The following JMJD1C variants were observed in gnomAD, a reference collection of about 807,000 sequenced individuals.
The protein encoded by JMJD1C is jumonji domain containing 1C, also known as jumonji domain-containing protein 1C.
In JMJD1C, 31 loss-of-function variants were observed where a neutral mutation model predicts 245.3. The ratio of observed to expected loss-of-function variants is 0.13; its 90% CI spans 0.09 to 0.17. The LOEUF (loss-of-function observed/expected upper bound fraction) is 0.17, where lower values mean the gene tolerates loss of function less well. Ranked by LOEUF, JMJD1C falls within the 10% of genes least tolerant of loss-of-function variation. The pLI is 1.00. For synonymous variants in JMJD1C, 1,057 were observed against 1,017.4 expected (o/e 1.04, Z -0.74); for missense variants, 2,691 against 3,000.2 (o/e 0.90, Z 2.41).
chr10:63,521,706 C>G, intron 1 of JMJD1C: 3 of 560,196 alleles, frequency 5.4e-6, no homozygotes, highest in Non-Finnish European at 8.1e-6. Flanking sequence ...TCGGGCCTGC[C>G]GAGGGTCTGG....
At chr10:63,370,898 A>T (rs1366972512) in intron 2 of JMJD1C, among the ~76,000 whole-genome samples, 1 of 152,206 alleles carries the variant, frequency 6.6e-6, no homozygotes, top group Non-Finnish European at 1.5e-5. Flanking sequence ...AGGAAATAAT[A>T]GTTGTTTTTT....
intron 2 of JMJD1C, among the ~76,000 whole-genome samples, chr10:63,351,680 A>G (rs1180406579): frequency 4.6e-5 from 7 of 152,186 alleles, no homozygotes; most frequent in Non-Finnish European, 7.3e-5. Flanking sequence ...GACTAACAAG[A>G]GACCTACAAA....
chr10:63,424,420 T>C (rs1355168568), intron 1 of JMJD1C, among the ~76,000 whole-genome samples: 1 of 151,910 alleles, frequency 6.6e-6, no homozygotes, highest in Non-Finnish European at 1.5e-5. Flanking sequence ...AACTATTGTT[T>C]ATATGGAAAA....
intron 2 of JMJD1C, among the ~76,000 whole-genome samples, chr10:63,337,056 G>A (rs192430948): frequency 3.0e-4 from 46 of 151,950 alleles, no homozygotes; most frequent in African/African-American, 9.2e-4. Flanking sequence ...GGCCAGGCTC[G>A]TCTCAAGCTC....
upstream of JMJD1C, among the ~76,000 whole-genome samples, chr10:63,469,512 T>C (rs1953422330): frequency 6.6e-6 from 1 of 152,210 alleles, no homozygotes; most frequent in African/African-American, 2.4e-5. Context: ...TTACTCATAA[T>C]TGCTGTGTTC....
intron 2 of JMJD1C, among the ~76,000 whole-genome samples, chr10:63,324,220 T>C (rs1169671380): frequency 6.6e-6 from 1 of 151,806 alleles, no homozygotes; most frequent in Non-Finnish European, 1.5e-5. Context: ...GGCCCAGTCA[T>C]GCTTACAACA....
chr10:63,256,150 C>G (rs1853889678), intron 3 of JMJD1C, among the ~76,000 whole-genome samples: 1 of 152,116 alleles, frequency 6.6e-6, no homozygotes, highest in African/African-American at 2.4e-5. Flanking sequence ...ACTGCAGTGA[C>G]TTATAAATGT....
At chr10:63,268,228 C>G (rs1011876324) in intron 2 of JMJD1C, among the ~76,000 whole-genome samples, 2 of 51,322 alleles carry the variant, frequency 3.9e-5, no homozygotes, top group Non-Finnish European at 7.3e-5. Context: ...AAGATTTAGT[C>G]TACCAAAAAA....
intron 2 of JMJD1C, among the ~76,000 whole-genome samples, chr10:63,300,785 G>C (rs1460549373): frequency 6.6e-6 from 1 of 152,016 alleles, no homozygotes; most frequent in East Asian, 1.9e-4. Flanking sequence ...CCAGCTACTT[G>C]GGAGGCTGAG....
chr10:63,186,143 T>C, intron 19 of JMJD1C, 72 bp downstream of exon 19: 2 of 1,194,574 alleles, frequency 1.7e-6, no homozygotes, highest in Non-Finnish European at 2.4e-6. Context: ...TAAAAATCTG[T>C]TAAGTTACAT....
intron 2 of JMJD1C, among the ~76,000 whole-genome samples, chr10:63,375,747 G>A (rs1946691268): frequency 1.3e-5 from 2 of 151,718 alleles, no homozygotes; most frequent in South Asian, 4.2e-4. Flanking sequence ...CAGAGAAGGG[G>A]GCTCGCTGCA....
intron 1 of JMJD1C, among the ~76,000 whole-genome samples, chr10:63,471,933 G>T (rs1478779206): frequency 6.6e-6 from 1 of 152,164 alleles, no homozygotes; most frequent in Non-Finnish European, 1.5e-5. Flanking sequence ...AACTACTCGG[G>T]AGGCTAAGGG....
rs1845586240 is a variant in JMJD1C, at chr10:63,197,513, C to T, written c.5542G>A (p.Ala1848Thr). Residue 1848 changes from alanine to threonine, a missense_variant, in exon 13 of 26, where the codon GCA becomes ACA. Ala to Thr is a moderately conservative substitution (Grantham distance 58). This residue lies in a region of JMJD1C where 139 missense variants were observed against 270.5 expected (regional missense o/e 0.51). Coordinates refer to ENST00000399262, the MANE Select transcript of JMJD1C (RefSeq NM_032776.3). ...AVRGVREMCD[A>T]CEATLFNIHW... ...ATGTTAAACAATGTTGCTTCACATG[C>T]ATCACACATCTCCCGGACTCCTCTC... The T allele has an allele frequency of 2.5e-6, 4 of 1,605,706 alleles. No individual in the cohort carries two copies. The highest frequency in any genetic ancestry group is 3.4e-6 in the Non-Finnish European group (4 of 1,177,562).
At chr10:63,396,043 TAA>T (rs1948462358) in intron 1 of JMJD1C, among the ~76,000 whole-genome samples, 1 of 152,146 alleles carries the variant, frequency 6.6e-6, no homozygotes, top group Non-Finnish European at 1.5e-5. Flanking sequence ...TCCTAATTTA[TAA>T]ATTTTTAAAA....
At chr10:63,423,452 A>T (rs1055640141) in intron 1 of JMJD1C, among the ~76,000 whole-genome samples, 12 of 152,196 alleles carry the variant, frequency 7.9e-5, no homozygotes, top group Admixed American at 7.2e-4. Context: ...TAGTGTTTTT[A>T]AGGATTATCC....
intron 1 of JMJD1C, among the ~76,000 whole-genome samples, chr10:63,474,443 C>CT (rs563616455): frequency 1.4e-3 from 199 of 146,772 alleles, no homozygotes; most frequent in Admixed American, 6.7e-3. Flanking sequence ...ATAAAAACAC[C>CT]TTTTTTTTTT....
intron 2 of JMJD1C, among the ~76,000 whole-genome samples, chr10:63,308,423 G>A (rs1003857857): frequency 6.6e-6 from 1 of 152,046 alleles, no homozygotes; most frequent in African/African-American, 2.4e-5. Flanking sequence ...CCTAGCCAGT[G>A]ATTATTTAGT....
At chr10:63,298,589 C>T (rs1224824369) in intron 2 of JMJD1C, among the ~76,000 whole-genome samples, 1 of 152,126 alleles carries the variant, frequency 6.6e-6, no homozygotes, top group Non-Finnish European at 1.5e-5. Flanking sequence ...TTCAAAAACC[C>T]TATTTCTTAA....
chr10:63,347,355 G>A (rs999004312), intron 2 of JMJD1C, among the ~76,000 whole-genome samples: 8 of 151,648 alleles, frequency 5.3e-5, no homozygotes, highest in Admixed American at 1.3e-4. Flanking sequence ...AGGCCGACGC[G>A]GGTGGATCAC....
Sources: allele counts gnomAD v4.1 joint callset (sites outside exome capture counted in the v4.1 genomes callset), GRCh38; gene constraint gnomAD v4.1.1; regional missense constraint gnomAD v4.1.1; transcripts MANE v1.5; gene names NCBI Gene and HGNC (gene_info 2026-07-23, HGNC 2026-07-21).